MOSMO: variants seen among roughly 807,000 people sequenced by gnomAD.
MOSMO encodes modulator of smoothened.
In MOSMO, 5 loss-of-function variants were observed where a neutral mutation model predicts 18.4. The ratio of observed to expected loss-of-function variants is 0.27; its 90% CI spans 0.14 to 0.57. MOSMO has a LOEUF of 0.57. Ranked by LOEUF, MOSMO falls within the 20% of genes least tolerant of loss-of-function variation. The pLI, the probability that MOSMO is intolerant of heterozygous loss-of-function variation, is 0.92. For synonymous variants in MOSMO, 82 were observed against 82.3 expected, an observed-to-expected ratio of 1.00 and a Z score of 0.02; for missense variants, 138 against 211.8, an observed-to-expected ratio of 0.65 and a Z score of 2.16.
Position 22,081,805 on chromosome 16 carries a change from T to C in MOSMO, c.*925T>C, listed in dbSNP as rs910865308. The C allele has an allele frequency of 2.0e-5, 3 of 152,102 alleles. No homozygotes were observed. Among genetic ancestry groups the C allele is most frequent in the African/African-American group, 7.2e-5 (3 of 41,440 alleles). 9.4% of individuals were successfully genotyped at this position (152,102 alleles called of 1,614,324 possible). A position where few individuals can be genotyped will look rare whatever the true frequency, so the allele number is the denominator to read the frequency against. Reference sequence around the variant, plus strand: ...TGGAGAGAGTCTTCAGTTTACCTCATTCTTTGTAGCAGCCCTTGATTTTAA... The same window carrying C: ...TGGAGAGAGTCTTCAGTTTACCTCACTCTTTGTAGCAGCCCTTGATTTTAA... On this transcript the variant is annotated 3_prime_UTR_variant, in exon 3 of 3. Transcript: ENST00000542527.
At chr16:22,052,303 G>GT (rs796529285) in intron 1 of MOSMO, among the ~76,000 whole-genome samples, 61 of 152,266 alleles carry the variant, frequency 4.0e-4, no homozygotes, top group African/African-American at 1.4e-3. Context: ...ATGCTAATAT[G>GT]TAAGATTCTC....
the MOSMO span, chr16:22,092,542 A>T: frequency 6.7e-7 from 1 of 1,487,054 alleles, no homozygotes; most frequent in Non-Finnish European, 9.1e-7. Flanking sequence ...TTCGCTGCTG[A>T]GTTGCTTGGA....
At chr16:22,022,633 C>T (rs1899789446) in intron 1 of MOSMO, among the ~76,000 whole-genome samples, 1 of 152,156 alleles carries the variant, frequency 6.6e-6, no homozygotes, top group Non-Finnish European at 1.5e-5. Flanking sequence ...ACCCTAACCT[C>T]ATTAGTTGAG....
chr16:22,052,396 T>C (rs1017228), intron 1 of MOSMO, among the ~76,000 whole-genome samples: 65,915 of 152,106 alleles, frequency 0.43, 18,901 homozygotes, highest in African/African-American at 0.79. Flanking sequence ...GGGACCCTTA[T>C]ACACTGCTGG....
chr16:22,072,276 G>A (rs542895431), intron 1 of MOSMO, among the ~76,000 whole-genome samples: 1 of 152,278 alleles, frequency 6.6e-6, no homozygotes, highest in African/African-American at 2.4e-5. Context: ...AGATTTAATA[G>A]TAACAGCACA....
rs1462930308 is a variant in MOSMO, at chr16:22,083,178, T to C, written c.*2298T>C. Reference sequence around the variant, plus strand: ...TCTCAAAATATTTTTAACTGGATCATGAGCATGGGGAGAGAAAGTTTCTCA... The same window carrying C: ...TCTCAAAATATTTTTAACTGGATCACGAGCATGGGGAGAGAAAGTTTCTCA... On this transcript the variant is annotated 3_prime_UTR_variant, in exon 3 of 3. Transcript: ENST00000542527. 1 of 152,300 alleles carries C rather than the reference T, an allele frequency of 6.6e-6. No individual in the cohort carries two copies. Among genetic ancestry groups the C allele is most frequent in the Non-Finnish European group, 1.5e-5 (1 of 68,078 alleles). 9.4% of individuals were successfully genotyped at this position (152,300 alleles called of 1,614,324 possible). A position where few individuals can be genotyped will look rare whatever the true frequency, so the allele number is the denominator to read the frequency against.
chr16:22,063,649 C>A (rs932479055), intron 1 of MOSMO, among the ~76,000 whole-genome samples: 1 of 152,092 alleles, frequency 6.6e-6, no homozygotes, highest in East Asian at 1.9e-4. Context: ...GTTCCTTGAA[C>A]GTTTATGAGA....
chr16:22,017,321 G>C (rs993757782), intron 1 of MOSMO, among the ~76,000 whole-genome samples: 1 of 152,130 alleles, frequency 6.6e-6, no homozygotes, highest in African/African-American at 2.4e-5. Flanking sequence ...TAGGTTGTAC[G>C]GTGACAGCAG....
intron 1 of MOSMO, among the ~76,000 whole-genome samples, chr16:22,057,451 C>T (rs952396437): frequency 6.6e-6 from 1 of 152,214 alleles, no homozygotes; most frequent in Admixed American, 6.5e-5. Context: ...CATTAGGCTC[C>T]ACCTCCCAAC....
chr16:22,057,001 C>T (rs548352510), intron 1 of MOSMO, among the ~76,000 whole-genome samples: 9 of 152,238 alleles, frequency 5.9e-5, no homozygotes, highest in Admixed American at 2.0e-4. Flanking sequence ...ATTTCCCTTC[C>T]TCTCAAATAG....
At chr16:22,028,712 T>C (rs1483722203) in intron 1 of MOSMO, among the ~76,000 whole-genome samples, 1 of 152,210 alleles carries the variant, frequency 6.6e-6, no homozygotes, top group East Asian at 1.9e-4. Flanking sequence ...TTTTCTTTAA[T>C]TTTTCTCTTT....
chr16:22,040,841 A>G (rs964109898), intron 1 of MOSMO, among the ~76,000 whole-genome samples: 10 of 152,120 alleles, frequency 6.6e-5, no homozygotes, highest in Non-Finnish European at 1.3e-4. Context: ...AGACACGCCT[A>G]TAGTCCCAGC....
At chr16:22,053,617 A>C (rs1437847959) in intron 1 of MOSMO, among the ~76,000 whole-genome samples, 1 of 152,152 alleles carries the variant, frequency 6.6e-6, no homozygotes, top group Non-Finnish European at 1.5e-5. Context: ...AGCCTGGCCA[A>C]CATGGTGAAA....
chr16:22,091,603 C>A (rs1018094999), downstream of MOSMO, among the ~76,000 whole-genome samples: 1 of 152,116 alleles, frequency 6.6e-6, no homozygotes, highest in African/African-American at 2.4e-5. Context: ...GTTGCCCAAG[C>A]TGATCTCAAA....
intron 1 of MOSMO, among the ~76,000 whole-genome samples, chr16:22,071,593 C>T (rs1265644459): frequency 1.3e-5 from 2 of 152,140 alleles, no homozygotes; most frequent in Non-Finnish European, 2.9e-5. Flanking sequence ...TAAGATGCCC[C>T]CACTTAATGG....
At chr16:22,078,134 C>CT (rs1901008587) in intron 2 of MOSMO, among the ~76,000 whole-genome samples, 2 of 151,836 alleles carry the variant, frequency 1.3e-5, no homozygotes, top group African/African-American at 4.8e-5. Flanking sequence ...TTGTTCTTTC[C>CT]TTTGCCACCC....
intron 1 of MOSMO, among the ~76,000 whole-genome samples, chr16:22,069,230 T>C (rs771914596): frequency 2.6e-5 from 4 of 152,094 alleles, no homozygotes; most frequent in Non-Finnish European, 5.9e-5. Flanking sequence ...AGAGGTTTGA[T>C]AGAGTATTGT....
intron 1 of MOSMO, among the ~76,000 whole-genome samples, chr16:22,027,072 AG>A (rs1567502232): frequency 6.6e-6 from 1 of 152,240 alleles, no homozygotes; most frequent in Non-Finnish European, 1.5e-5. Flanking sequence ...AAGAAAATCT[AG>A]GACTAGGATT....
chr16:22,045,444 G>C (rs1327731304), intron 1 of MOSMO, among the ~76,000 whole-genome samples: 1 of 152,152 alleles, frequency 6.6e-6, no homozygotes, highest in African/African-American at 2.4e-5. Flanking sequence ...TCTGGGCCTT[G>C]ATGGGTAGTA....
Sources: allele counts gnomAD v4.1 joint callset (sites outside exome capture counted in the v4.1 genomes callset), GRCh38; gene constraint gnomAD v4.1.1; transcripts MANE v1.5; gene names NCBI Gene and HGNC (gene_info 2026-07-23, HGNC 2026-07-21).